The following MAP6 variants were observed in gnomAD, a reference collection of about 807,000 sequenced individuals.
MAP6 encodes microtubule associated protein 6, also known as microtubule-associated protein 6.
Under a neutral mutation model 42.4 loss-of-function variants are expected in MAP6, and 26 were observed. That is an observed-to-expected ratio of 0.61 (90% confidence interval 0.45 to 0.85). The LOEUF (loss-of-function observed/expected upper bound fraction) is 0.85, where lower values mean the gene tolerates loss of function less well. Ranked by LOEUF, MAP6 falls within the 40% of genes least tolerant of loss-of-function variation. The probability of loss-of-function intolerance (pLI) is 0.00; values close to 1 mark genes in which losing one functional copy is unlikely to be tolerated. For missense variants in MAP6, 966 were observed against 1,099.0 expected, an observed-to-expected ratio of 0.88 and a Z score of 1.71; for synonymous variants, 418 against 443.8, an observed-to-expected ratio of 0.94 and a Z score of 0.73.
At chr11:75,604,169 C>A (rs1214148589) in intron 3 of MAP6, 2 of 985,786 alleles carry the variant, frequency 2.0e-6, no homozygotes, top group Non-Finnish European at 2.4e-6. Flanking sequence ...GCCTGATCAA[C>A]AACTTCGTTT....
At chr11:75,602,546 T>A (rs1171046333) in intron 3 of MAP6, among the ~76,000 whole-genome samples, 1 of 151,972 alleles carries the variant, frequency 6.6e-6, no homozygotes, top group Admixed American at 6.5e-5. Flanking sequence ...AGGCAGAGAG[T>A]CAGAGCCCAG....
rs909676371 is a variant in MAP6 at position 75,604,908 on chromosome 11, G to T, written c.1316+900C>A. The T allele has an allele frequency of 3.0e-6, 3 of 985,230 alleles. No individual in the cohort carries two copies. In the African/African-American group the frequency reaches 5.2e-5, roughly 17 times the overall value. 61.0% of individuals were successfully genotyped at this position (985,230 alleles called of 1,614,324 possible). Reference sequence around the variant, plus strand: ...TCGCCACACTTGCCACTACATCTACGCCCCCTTGGGTCTCAGAAATGGAAA... The same window carrying T: ...TCGCCACACTTGCCACTACATCTACTCCCCCTTGGGTCTCAGAAATGGAAA... On this transcript the variant is annotated intron_variant, in intron 3 of 3. Coordinates refer to ENST00000304771, the MANE Select transcript of MAP6 (RefSeq NM_033063.2).
chr11:75,653,614 T>A (rs1187568046), intron 1 of MAP6, among the ~76,000 whole-genome samples: 1 of 152,262 alleles, frequency 6.6e-6, no homozygotes, highest in African/African-American at 2.4e-5. Flanking sequence ...ATTACAGTTC[T>A]AATTTTATGA....
At chr11:75,588,226 A>C in intron 3 of MAP6, 42 bp from the exon 4 acceptor site, 1 of 1,562,520 alleles carries the variant, frequency 6.4e-7, no homozygotes, top group Non-Finnish European at 8.7e-7. Context: ...AGTAGAGCTC[A>C]GGCAGGGACA....
At chr11:75,626,830 C>T (rs1283277434) in intron 1 of MAP6, among the ~76,000 whole-genome samples, 1 of 152,130 alleles carries the variant, frequency 6.6e-6, no homozygotes, top group Admixed American at 6.5e-5. Flanking sequence ...GAAGAAAAGA[C>T]AAGGAGCCCA....
intron 1 of MAP6, among the ~76,000 whole-genome samples, chr11:75,663,430 C>T (rs1185075044): frequency 6.6e-6 from 1 of 152,106 alleles, no homozygotes; most frequent in Admixed American, 6.5e-5. Context: ...GAAATTGACT[C>T]TATCAATATG....
chr11:75,590,980 A>C (rs1942467552), intron 3 of MAP6, among the ~76,000 whole-genome samples: 1 of 152,180 alleles, frequency 6.6e-6, no homozygotes, highest in Non-Finnish European at 1.5e-5. Flanking sequence ...GAAAAAAAAA[A>C]AGAAAAAAGT....
intron 1 of MAP6, among the ~76,000 whole-genome samples, chr11:75,622,577 G>A (rs1272605240): frequency 3.9e-5 from 6 of 152,282 alleles, no homozygotes; most frequent in African/African-American, 7.2e-5. Context: ...CTATAAATTC[G>A]AAGCAACTAA....
At chr11:75,630,952 T>C (rs1406112816) in intron 1 of MAP6, among the ~76,000 whole-genome samples, 1 of 152,220 alleles carries the variant, frequency 6.6e-6, no homozygotes, top group Non-Finnish European at 1.5e-5. Context: ...AACAAGTTCC[T>C]TGGGTGATTC....
chr11:75,605,227 G>C, intron 3 of MAP6: 1 of 985,536 alleles, frequency 1.0e-6, no homozygotes, highest in Non-Finnish European at 1.2e-6. Flanking sequence ...TCTAATGGAC[G>C]ATTCTATGAA....
intron 3 of MAP6, among the ~76,000 whole-genome samples, chr11:75,594,995 T>TG (rs1236910688): frequency 1.3e-5 from 2 of 152,234 alleles, no homozygotes; most frequent in African/African-American, 2.4e-5. Flanking sequence ...GTCACTTTGT[T>TG]GGAGAAGTCT....
intron 1 of MAP6, among the ~76,000 whole-genome samples, chr11:75,639,274 C>T (rs1208473473): frequency 6.6e-6 from 1 of 152,182 alleles, no homozygotes; most frequent in East Asian, 1.9e-4. Context: ...AACCAAGCCA[C>T]ACTTGTACCC....
intron 1 of MAP6, among the ~76,000 whole-genome samples, chr11:75,612,465 G>A (rs1942915254): frequency 6.6e-6 from 1 of 152,204 alleles, no homozygotes; most frequent in Admixed American, 6.5e-5. Flanking sequence ...GGGGAGTGAG[G>A]ACTGGGGAAA....
At position 75,667,352 on chromosome 11, in the gene MAP6, G is replaced by T; in HGVS notation, c.905+113C>A. Reference sequence around the variant, plus strand: ...GGCGGCTGGGGAGAGGGTGTGGCCTGGGACTGGAGGGAGGCTGCACGCTAG... The same window carrying T: ...GGCGGCTGGGGAGAGGGTGTGGCCTTGGACTGGAGGGAGGCTGCACGCTAG... On this transcript the variant is annotated intron_variant, in intron 1 of 3. Coordinates refer to ENST00000304771, the MANE Select transcript of MAP6 (RefSeq NM_033063.2). This position sits in a 1 kb window ranked among gnomAD's most constrained non-coding sequence, Gnocchi z 5.6. 9.9e-7 allele frequency: 1 copy of T among 1,015,124 alleles called. No homozygotes were observed. The highest frequency in any genetic ancestry group is 1.3e-6 in the Non-Finnish European group (1 of 751,484). 62.9% of individuals were successfully genotyped at this position (1,015,124 alleles called of 1,614,324 possible). A position where few individuals can be genotyped will look rare whatever the true frequency, so the allele number is the denominator to read the frequency against.
At chr11:75,657,526 G>A (rs1051323513) in intron 1 of MAP6, among the ~76,000 whole-genome samples, 3 of 152,132 alleles carry the variant, frequency 2.0e-5, no homozygotes, top group African/African-American at 7.2e-5. Context: ...CACAGGACAG[G>A]CCCACAACAA....
At chr11:75,656,900 T>A (rs1234463928) in intron 1 of MAP6, among the ~76,000 whole-genome samples, 1 of 152,200 alleles carries the variant, frequency 6.6e-6, no homozygotes, top group Non-Finnish European at 1.5e-5. Context: ...ATATAGAACA[T>A]TTCCAACACC....
chr11:75,647,813 A>G (rs1049628941), intron 1 of MAP6, among the ~76,000 whole-genome samples: 1 of 152,226 alleles, frequency 6.6e-6, no homozygotes, highest in African/African-American at 2.4e-5. Context: ...TGAGTCCAAC[A>G]TAAATACGAA....
At chr11:75,641,413 A>T (rs1414661074) in intron 1 of MAP6, among the ~76,000 whole-genome samples, 1 of 151,956 alleles carries the variant, frequency 6.6e-6, no homozygotes, top group Non-Finnish European at 1.5e-5. Flanking sequence ...CAGCACACCA[A>T]CTCGACACAT....
intron 1 of MAP6, among the ~76,000 whole-genome samples, chr11:75,633,850 G>T (rs1165260946): frequency 6.6e-6 from 1 of 152,170 alleles, no homozygotes; most frequent in Admixed American, 6.5e-5. Flanking sequence ...GAGTGGGGAG[G>T]GCCTTGGATA....
Sources: gnomAD v4.1 joint callset for allele counts (sites outside exome capture counted in the v4.1 genomes callset) on GRCh38, gnomAD v4.1.1 for gene constraint, Gnocchi (gnomAD v3.1) non-coding constraint, MANE v1.5 for transcripts, NCBI Gene and HGNC (gene_info 2026-07-23, HGNC 2026-07-21) for gene names.